Variants in PCDH11X observed in about 807,000 individuals in gnomAD.
PCDH11X encodes protocadherin-11 X-linked.
PCDH11X carries 18 observed loss-of-function variants against 53.3 expected under a neutral mutation model. That is an observed-to-expected ratio of 0.34 (90% CI 0.23 to 0.50). The LOEUF (loss-of-function observed/expected upper bound fraction) is 0.50. Among genes scored for constraint, PCDH11X ranks in the 20% least tolerant of loss-of-function variants. PCDH11X has a pLI of 0.98. For missense variants in PCDH11X, 570 were observed against 1,032.4 expected (o/e 0.55, Z 6.14); for synonymous variants, 279 against 393.3 (o/e 0.71, Z 3.44).
intron 6 of PCDH11X, among the ~76,000 whole-genome samples, chrX:92,197,697 G>C (rs2066314754): frequency 9.0e-6 from 1 of 111,520 alleles, no homozygotes; most frequent in Non-Finnish European, 1.9e-5. Context: ...GCCCTAATCT[G>C]TCAATATTTC....
At chrX:92,292,901 G>A (rs1035456753) in intron 8 of PCDH11X, among the ~76,000 whole-genome samples, 18 of 106,929 alleles carry the variant, frequency 1.7e-4, no homozygotes, top group Non-Finnish European at 3.1e-4. Context: ...ACAAGAGAGA[G>A]TGTGCCTAGT....
chrX:92,345,748 T>A (rs2069878233), intron 8 of PCDH11X, among the ~76,000 whole-genome samples: 1 of 110,942 alleles, frequency 9.0e-6, no homozygotes. Context: ...TCATCTTCAT[T>A]TGTTATTTGA....
chrX:92,132,665 ATATG>A (rs2065011215), intron 6 of PCDH11X, among the ~76,000 whole-genome samples: 1 of 55,601 alleles, frequency 1.8e-5, no homozygotes, highest in African/African-American at 1.0e-4. Context: ...ATGTATATAT[ATATG>A]TATATGTATA....
At chrX:92,147,783 T>TCTTTCTTTTC (rs1199263033) in intron 6 of PCDH11X, among the ~76,000 whole-genome samples, 1 of 101,335 alleles carries the variant, frequency 9.9e-6, no homozygotes, top group Non-Finnish European at 2.0e-5. Flanking sequence ...TGAACTTCTT[T>TCTTTCTTTTC]CTTTCTTTTC....
intron 8 of PCDH11X, among the ~76,000 whole-genome samples, chrX:92,276,974 T>C (rs1273755593): frequency 9.0e-6 from 1 of 111,197 alleles, no homozygotes; most frequent in African/African-American, 3.3e-5. Flanking sequence ...AAGAGTAAAT[T>C]GCTGGGCAGG....
At chrX:92,382,220 C>T (rs1298101702) in intron 8 of PCDH11X, among the ~76,000 whole-genome samples, 3 of 111,609 alleles carry the variant, frequency 2.7e-5, no homozygotes, top group Non-Finnish European at 3.8e-5. Flanking sequence ...AGCAAACTTG[C>T]ATATGGTAAT....
chrX:92,118,890 C>T (rs2064695920), intron 6 of PCDH11X, among the ~76,000 whole-genome samples: 1 of 104,823 alleles, frequency 9.5e-6, no homozygotes, highest in Admixed American at 1.0e-4. Flanking sequence ...TACAGGCGCC[C>T]GCCACCACGC....
In PCDH11X at chrX:91,980,509, G is replaced by A. The variant is rs139667775; in HGVS notation, c.3033+101236G>A. The stretch of plus-strand genomic sequence containing the variant: ...TGGTTTGGTTTTGAGACAGGATCTC[G>A]CCCAGGCTGTAGTGCAGTGGCATGA... On this transcript the variant is annotated intron_variant, in intron 6 of 10. Coordinates refer to ENST00000682573, the MANE Select transcript of PCDH11X (RefSeq NM_032968.5). 5.9e-3 allele frequency among the ~76,000 whole-genome samples: 656 copies of A among 111,230 alleles called. 4 individuals carry two copies. The highest frequency in any genetic ancestry group is 0.02 in the African/African-American group (617 of 30,595).
chrX:92,256,108 G>A lies in PCDH11X; in HGVS notation c.3115-7006G>A, dbSNP rs768249058. Among the ~76,000 whole-genome samples, 234 of 112,081 alleles carry A rather than the reference G, an allele frequency of 2.1e-3. 1 individual carries two copies. Among genetic ancestry groups the A allele is most frequent in the African/African-American group, 7.1e-3 (217 of 30,628 alleles). On this transcript the variant is annotated intron_variant, in intron 7 of 10. Transcript: ENST00000682573. ...GAGACTCCGTGGGGTAGGACCCTCC[G>A]AGCCAGGTGGGGGATATAATCTTGT...
intron 6 of PCDH11X, among the ~76,000 whole-genome samples, chrX:92,040,039 A>G (rs1004758474): frequency 5.5e-5 from 6 of 109,230 alleles, no homozygotes; most frequent in Non-Finnish European, 1.1e-4. Flanking sequence ...CTAGTGCCCT[A>G]TCTTATTTTG....
intron 10 of PCDH11X, among the ~76,000 whole-genome samples, chrX:92,477,429 T>C (rs1275752436): frequency 2.0e-5 from 2 of 102,154 alleles, no homozygotes; most frequent in Non-Finnish European, 4.0e-5. Context: ...TGATGTTTCC[T>C]TTAGGTCCAA....
At chrX:92,539,392 C>A in intron 10 of PCDH11X, among the ~76,000 whole-genome samples, 1 of 111,818 alleles carries the variant, frequency 8.9e-6, no homozygotes, top group South Asian at 3.8e-4. Context: ...CTGATGCATT[C>A]TTAAGTATGC....
At chrX:92,014,192 A>G (rs1446273490) in intron 6 of PCDH11X, among the ~76,000 whole-genome samples, 78 of 108,913 alleles carry the variant, frequency 7.2e-4, no homozygotes, top group African/African-American at 2.5e-3. Context: ...TACAAGAAAA[A>G]AAACAAACAA....
intron 8 of PCDH11X, among the ~76,000 whole-genome samples, chrX:92,289,089 C>T (rs754402679): frequency 1.8e-4 from 20 of 111,581 alleles, no homozygotes; most frequent in African/African-American, 6.2e-4. Flanking sequence ...CACAACTTCA[C>T]CCGTTTCAAT....
intron 5 of PCDH11X, among the ~76,000 whole-genome samples, chrX:91,861,681 A>G (rs60221231): frequency 0.12 from 13,383 of 111,561 alleles, 1,956 homozygotes; most frequent in African/African-American, 0.41. Flanking sequence ...ATTCTGCACA[A>G]TTCTGTGCTT....
At chrX:91,801,780 G>A (rs1021832900) in intron 1 of PCDH11X, among the ~76,000 whole-genome samples, 4 of 111,991 alleles carry the variant, frequency 3.6e-5, no homozygotes, top group Admixed American at 9.5e-5. Context: ...AATGGCATTT[G>A]TTATCAGTCC....
intron 10 of PCDH11X, among the ~76,000 whole-genome samples, chrX:92,535,515 A>G (rs1307420428): frequency 9.0e-6 from 1 of 111,146 alleles, no homozygotes; most frequent in Non-Finnish European, 1.9e-5. Flanking sequence ...ACACCGGGGC[A>G]TATCGGAAGG....
intron 10 of PCDH11X, among the ~76,000 whole-genome samples, chrX:92,483,863 G>A (rs2073559022): frequency 9.1e-6 from 1 of 109,650 alleles, no homozygotes; most frequent in Non-Finnish European, 1.9e-5. Flanking sequence ...ACGTAAATAT[G>A]TTTCATTGTG....
At chrX:91,899,162 G>C (rs1418772163) in intron 6 of PCDH11X, among the ~76,000 whole-genome samples, 1 of 110,748 alleles carries the variant, frequency 9.0e-6, no homozygotes, top group Non-Finnish European at 1.9e-5. Flanking sequence ...GCAAGGAAGC[G>C]AGTTCGAGTC....
Sources: gnomAD v4.1 joint callset for allele counts (sites outside exome capture counted in the v4.1 genomes callset) on GRCh38, gnomAD v4.1.1 for gene constraint, MANE v1.5 for transcripts, NCBI Gene and HGNC (gene_info 2026-07-23, HGNC 2026-07-21) for gene names.